VPS50: variants seen among roughly 807,000 people sequenced by gnomAD.
The protein encoded by VPS50 is syndetin.
Under a neutral mutation model 139.7 loss-of-function variants are expected in VPS50, and 70 were observed. That is an observed-to-expected ratio of 0.50 (90% confidence interval 0.41 to 0.61). The LOEUF (loss-of-function observed/expected upper bound fraction) is 0.61. Ranked by LOEUF, VPS50 falls within the 20% of genes least tolerant of loss-of-function variation. The pLI is 0.00. For synonymous variants in VPS50, 365 were observed against 376.7 expected (o/e 0.97, Z 0.36); for missense variants, 921 against 1,133.7 (o/e 0.81, Z 2.69).
intron 12 of VPS50, among the ~76,000 whole-genome samples, chr7:93,282,935 A>C (rs1796371143): frequency 6.6e-6 from 1 of 152,222 alleles, no homozygotes; most frequent in Non-Finnish European, 1.5e-5. Flanking sequence ...ATATAATTTT[A>C]TGTAATGATT....
At chr7:93,247,345 C>G (rs573275804) in intron 2 of VPS50, among the ~76,000 whole-genome samples, 1 of 152,000 alleles carries the variant, frequency 6.6e-6, no homozygotes, top group South Asian at 2.1e-4. Context: ...TCAGTTGTTG[C>G]ATTTGTCTTT....
intron 27 of VPS50, among the ~76,000 whole-genome samples, 162 bp from the exon 28 acceptor site, chr7:93,358,155 C>T (rs773267569): frequency 2.0e-5 from 3 of 152,152 alleles, no homozygotes; most frequent in Non-Finnish European, 4.4e-5. Flanking sequence ...GCTCAGTAAA[C>T]AATTTGCCTT....
chr7:93,264,958 T>G (rs1386883174), intron 9 of VPS50, among the ~76,000 whole-genome samples: 1 of 152,144 alleles, frequency 6.6e-6, no homozygotes, highest in Non-Finnish European at 1.5e-5. Context: ...TTTTAACTTG[T>G]TTTTCTCTGC....
At chr7:93,333,577 G>A in intron 21 of VPS50, among the ~76,000 whole-genome samples, 1 of 152,118 alleles carries the variant, frequency 6.6e-6, no homozygotes, top group Non-Finnish European at 1.5e-5. Flanking sequence ...GCTCTTGTGT[G>A]AAGGTTTTTA....
At chr7:93,322,599 CAA>C (rs71528064) in intron 20 of VPS50, among the ~76,000 whole-genome samples, 4 of 66,162 alleles carry the variant, frequency 6.0e-5, no homozygotes, top group Admixed American at 1.6e-4. Flanking sequence ...GACTCCGTCT[CAA>C]AAAAAAAAAA....
At chr7:93,326,257 T>G (rs1446858613) in intron 21 of VPS50, among the ~76,000 whole-genome samples, 1 of 121,264 alleles carries the variant, frequency 8.2e-6, no homozygotes, top group African/African-American at 3.2e-5. Context: ...TGAGAACACA[T>G]GGACACAGGA....
intron 21 of VPS50, among the ~76,000 whole-genome samples, chr7:93,325,697 T>G (rs1258167353): frequency 1.3e-4 from 20 of 151,736 alleles, no homozygotes; most frequent in Admixed American, 4.6e-4. Flanking sequence ...CATGAAAAAA[T>G]GCTCACCATC....
intron 16 of VPS50, among the ~76,000 whole-genome samples, chr7:93,300,892 C>T (rs1796955761): frequency 6.6e-6 from 1 of 151,910 alleles, no homozygotes; most frequent in Non-Finnish European, 1.5e-5. Flanking sequence ...TTAGATATCA[C>T]ACAGCAATAT....
At chr7:93,334,042 A>G in intron 21 of VPS50, 75 bp from the exon 22 acceptor site, 2 of 850,978 alleles carry the variant, frequency 2.4e-6, no homozygotes, top group South Asian at 1.4e-5. Flanking sequence ...CTCATCAAAT[A>G]TCTTGGTTAA....
intron 2 of VPS50, among the ~76,000 whole-genome samples, chr7:93,251,303 A>G (rs1004612626): frequency 7.9e-5 from 12 of 152,162 alleles, no homozygotes; most frequent in Non-Finnish European, 1.6e-4. Flanking sequence ...TAGACTGTAT[A>G]AAGAAAATGT....
intron 2 of VPS50, among the ~76,000 whole-genome samples, chr7:93,243,388 A>C (rs1028773013): frequency 4.1e-4 from 62 of 151,920 alleles, no homozygotes; most frequent in African/African-American, 1.4e-3. Context: ...TAATATTTAG[A>C]GATTCCCTGG....
chr7:93,277,368 T>A (rs78573461), intron 12 of VPS50, among the ~76,000 whole-genome samples: 3,298 of 152,310 alleles, frequency 0.022, 134 homozygotes, highest in African/African-American at 0.075. Flanking sequence ...ATGCGCTATG[T>A]CTCTCACTGG....
At position 93,282,049 on chromosome 7, in the gene VPS50, A is replaced by C. The variant is rs1015394677; in HGVS notation, c.942+5744A>C. 3.3e-5 allele frequency among the ~76,000 whole-genome samples: 5 copies of C among 151,952 alleles called. No individual in the cohort carries two copies. The East Asian group carries it at 9.7e-4, about 29-fold the overall frequency. On this transcript the variant is annotated intron_variant, in intron 12 of 27. Coordinates refer to ENST00000305866, the MANE Select transcript of VPS50 (RefSeq NM_017667.4). The stretch of plus-strand genomic sequence containing the variant: ...GAAACCCTGTCTCTACTAAAAATAC[A>C]AAAAATTAGCCGGGCGTGGTGGCGG...
At chr7:93,352,073 ATGTT>A (rs1798577677) in intron 25 of VPS50, among the ~76,000 whole-genome samples, 1 of 152,218 alleles carries the variant, frequency 6.6e-6, no homozygotes, top group Non-Finnish European at 1.5e-5. Flanking sequence ...GAAAAATGAA[ATGTT>A]TGTATGATTC....
intron 3 of VPS50, among the ~76,000 whole-genome samples, chr7:93,253,045 A>G (rs1242609321): frequency 6.6e-6 from 1 of 152,210 alleles, no homozygotes; most frequent in Non-Finnish European, 1.5e-5. Context: ...TGCTGTTTCT[A>G]TCCTATTTTA....
intron 18 of VPS50, among the ~76,000 whole-genome samples, chr7:93,306,824 ATAT>A (rs1357525363): frequency 1.3e-5 from 2 of 151,906 alleles, no homozygotes; most frequent in African/African-American, 4.8e-5. Context: ...ATGTGACAAA[ATAT>A]GTTGAAGGAT....
intron 22 of VPS50, among the ~76,000 whole-genome samples, chr7:93,334,659 CTT>C (rs1798025417): frequency 6.6e-6 from 1 of 152,134 alleles, no homozygotes; most frequent in Non-Finnish European, 1.5e-5. Context: ...GTCTGGGACA[CTT>C]TATAAACGGC....
At chr7:93,287,421 C>CT (rs201490850) in intron 12 of VPS50, among the ~76,000 whole-genome samples, 12,114 of 140,418 alleles carry the variant, frequency 0.086, 526 homozygotes, top group East Asian at 0.2. Flanking sequence ...TGAAGGACCT[C>CT]TTTTTTTTTT....
intron 23 of VPS50, among the ~76,000 whole-genome samples, chr7:93,341,809 AC>A (rs1238507313): frequency 6.6e-6 from 1 of 152,226 alleles, no homozygotes; most frequent in African/African-American, 2.4e-5. Flanking sequence ...TCAGCCTTTA[AC>A]AACATGATCC....
Sources: allele counts gnomAD v4.1 joint callset (sites outside exome capture counted in the v4.1 genomes callset), GRCh38; gene constraint gnomAD v4.1.1; transcripts MANE v1.5; gene names NCBI Gene and HGNC (gene_info 2026-07-23, HGNC 2026-07-21).